SARAF: variants seen among roughly 807,000 people sequenced by gnomAD.
The protein encoded by SARAF is store-operated calcium entry associated regulatory factor, also known as store-operated calcium entry-associated regulatory factor.
Under a neutral mutation model 39.7 loss-of-function variants are expected in SARAF, and 23 were observed. That is an observed-to-expected ratio of 0.58 (90% CI 0.42 to 0.82). The LOEUF is 0.82. Among genes scored for constraint, SARAF ranks in the 40% least tolerant of loss-of-function variants. The pLI, the probability that SARAF is intolerant of heterozygous loss-of-function variation, is 0.00. For missense variants in SARAF, 384 were observed against 418.5 expected, an observed-to-expected ratio of 0.92 and a Z score of 0.72; for synonymous variants, 175 against 168.5, an observed-to-expected ratio of 1.04 and a Z score of -0.30.
rs1329320952 is a variant in SARAF at position 30,063,781 on chromosome 8, G to T, written c.*107C>A. On this transcript the variant is annotated 3_prime_UTR_variant, in exon 6 of 6. Transcript: ENST00000256255. ...CTGGACATAACACCACAGAACTTTT[G>T]AATATCCCCTTTTCCCAATTGTTAA... 4 of 976,238 alleles carry T rather than the reference G, an allele frequency of 4.1e-6. No individual in the cohort carries two copies. Among genetic ancestry groups the T allele is most frequent in the Non-Finnish European group, 4.9e-6 (3 of 607,426 alleles). 60.5% of individuals were successfully genotyped at this position (976,238 alleles called of 1,614,324 possible).
At chr8:30,066,448 T>C (rs2117420989) in intron 4 of SARAF, among the ~76,000 whole-genome samples, 1 of 152,300 alleles carries the variant, frequency 6.6e-6, no homozygotes, top group East Asian at 1.9e-4. Flanking sequence ...TCCAGCCTTA[T>C]TTTTATCATT....
intron 3 of SARAF, among the ~76,000 whole-genome samples, chr8:30,067,996 A>G (rs943597823): frequency 2.0e-5 from 3 of 152,082 alleles, no homozygotes; most frequent in African/African-American, 7.2e-5. Flanking sequence ...TGTCTTTTTA[A>G]TGTTAGCCAT....
chr8:30,066,630 T>C lies in SARAF; in HGVS notation c.842+147A>G. Reference sequence around the variant, plus strand: ...ACAATACTGATCAAAACAAATATAGTGTACCTTCCCCCTTCCCAGAGAATC... The same window carrying C: ...ACAATACTGATCAAAACAAATATAGCGTACCTTCCCCCTTCCCAGAGAATC... On this transcript the variant is annotated intron_variant, in intron 4 of 5. Coordinates refer to ENST00000256255, the MANE Select transcript of SARAF (RefSeq NM_016127.6). The C allele has an allele frequency of 7.4e-6, 7 of 944,068 alleles. No homozygotes were observed. In the South Asian group the frequency reaches 1.2e-4, roughly 16 times the overall value. The allele number at this position is 944,068 out of a possible 1,614,324, so 58.5% of individuals were successfully genotyped here. A position where few individuals can be genotyped will look rare whatever the true frequency, so the allele number is the denominator to read the frequency against.
Position 30,069,838 on chromosome 8 carries a change from C to T in SARAF, c.504G>A (p.Ala168=), listed in dbSNP as rs199754185. The change falls in exon 3 of 6, where the codon GCG becomes GCA. Residue 168 remains alanine, a synonymous_variant. Transcript: ENST00000256255. ...TCAATCCACTCATGTTACAGGAATC[C>T]GCCGAGGACCACTTATAATAATAAT... The part of the protein sequence containing the change: ...FSDYYYKWSS[A]DSCNMSGLIT... 3.3e-5 allele frequency: 53 copies of T among 1,614,096 alleles called. No homozygotes were observed. The highest frequency in any genetic ancestry group is 1.6e-4 in the Middle Eastern group (1 of 6,062).
intron 2 of SARAF, among the ~76,000 whole-genome samples, chr8:30,072,618 T>C (rs983421135): frequency 1.3e-5 from 2 of 152,224 alleles, no homozygotes; most frequent in African/African-American, 4.8e-5. Flanking sequence ...AAGTACTGTA[T>C]TTAAATTTCA....
chr8:30,075,993 A>G (rs1432940417), intron 1 of SARAF, among the ~76,000 whole-genome samples: 2 of 146,706 alleles, frequency 1.4e-5, no homozygotes, highest in Non-Finnish European at 3.0e-5. Flanking sequence ...AAAAAAAACA[A>G]AAAAAAAAAA....
chr8:30,064,561 A>ATATATATATATTTTTTT (rs1423689069), intron 5 of SARAF, among the ~76,000 whole-genome samples: 2 of 46,228 alleles, frequency 4.3e-5, no homozygotes, highest in African/African-American at 1.1e-4. Context: ...ATATATATAT[A>ATATATATATATTTTTTT]TTTTTTTTTT....
At chr8:30,082,658 C>T (rs1802133482) in intron 1 of SARAF, 189 bp downstream of exon 1, 1 of 506,246 alleles carries the variant, frequency 2.0e-6, no homozygotes, top group African/African-American at 2.0e-5. Flanking sequence ...GCAGTCCCTA[C>T]CCGCCTCCCA....
chr8:30,064,594 C>CTTAA (rs1348937753), intron 5 of SARAF, among the ~76,000 whole-genome samples: 1 of 64,572 alleles, frequency 1.5e-5, no homozygotes, highest in Admixed American at 2.4e-4. Context: ...CAGAGTTTTG[C>CTTAA]TCTTGTTGCC....
chr8:30,072,786 A>T (rs1043234633), intron 2 of SARAF, among the ~76,000 whole-genome samples: 1 of 152,186 alleles, frequency 6.6e-6, no homozygotes, highest in African/African-American at 2.4e-5. Flanking sequence ...TTCCTAACAC[A>T]GCACAAATGT....
At position 30,069,705 on chromosome 8, in the gene SARAF, G is replaced by A. The variant is rs373318736; in HGVS notation, c.637C>T (p.Arg213Cys). ...GCTGAGTTGGTGAATCTCTGGTAAC[G>A]GTGGGAAAATGGAGGATACTCAGAG... is the stretch of plus-strand genomic sequence containing the variant. ...PYSEYPPFSH[R>C]YQRFTNSAGP... The change falls in exon 3 of 6, where the codon CGT becomes TGT. Residue 213 changes from arginine (R) to cysteine (C), a missense_variant. Arg to Cys is a radical substitution (Grantham distance 180). Coordinates refer to ENST00000256255, the MANE Select transcript of SARAF (RefSeq NM_016127.6). 2.0e-5 allele frequency: 33 copies of A among 1,614,092 alleles called. No individual in the cohort carries two copies. Among genetic ancestry groups the A allele is most frequent in the Admixed American group, 5.0e-5 (3 of 60,014 alleles).
chr8:30,078,655 T>C (rs997140474), intron 1 of SARAF, among the ~76,000 whole-genome samples: 3 of 152,200 alleles, frequency 2.0e-5, no homozygotes, highest in Admixed American at 6.5e-5. Flanking sequence ...TTCCCACAAG[T>C]ATTTAATATG....
intron 5 of SARAF, among the ~76,000 whole-genome samples, chr8:30,065,465 G>GCTA (rs1238013925): frequency 6.6e-6 from 1 of 152,088 alleles, no homozygotes; most frequent in African/African-American, 2.4e-5. Context: ...GAAAGACAAA[G>GCTA]CTACTCCAGA....
chr8:30,072,612 A>G (rs1347277710), intron 2 of SARAF, among the ~76,000 whole-genome samples: 2 of 152,212 alleles, frequency 1.3e-5, no homozygotes, highest in Non-Finnish European at 2.9e-5. Context: ...GCTTCTAAGT[A>G]CTGTATTTAA....
intron 1 of SARAF, among the ~76,000 whole-genome samples, chr8:30,080,047 G>C (rs578097622): frequency 6.6e-6 from 1 of 152,106 alleles, no homozygotes; most frequent in African/African-American, 2.4e-5. Flanking sequence ...TTAACTCCAT[G>C]CTTCTAGTTG....
At chr8:30,076,514 C>T (rs979065519) in intron 1 of SARAF, among the ~76,000 whole-genome samples, 1 of 152,152 alleles carries the variant, frequency 6.6e-6, no homozygotes, top group Admixed American at 6.5e-5. Context: ...TTTTTGGTTC[C>T]CCAGAATTAA....
In SARAF at chr8:30,066,914, T is replaced by G; in HGVS notation, c.705A>C (p.Pro235=). The change falls in exon 4 of 6, where the codon CCA becomes CCC. Residue 235 remains proline, a synonymous_variant. Transcript: ENST00000256255. ...PPGFKSEFTG[P]QNTGHGATSG... is the part of the protein sequence containing the mutation. ...AAGTTGCACCATGGCCAGTATTCTG[T>G]GGTCCTTAAAATAAAAATGATTTAT... The G allele has an allele frequency of 6.2e-7, 1 of 1,613,848 alleles. No homozygotes were observed. Among genetic ancestry groups the G allele is most frequent in the Non-Finnish European group, 8.5e-7 (1 of 1,179,938 alleles).
chr8:30,069,537 ACCT>A (rs2117426725), intron 3 of SARAF, 102 bp downstream of exon 3: 1 of 1,169,866 alleles, frequency 8.5e-7, no homozygotes, highest in Admixed American at 2.3e-5. Flanking sequence ...GAGAAGACAA[ACCT>A]CCTTTGGTTT....
chr8:30,065,067 C>A (rs1030006598), intron 5 of SARAF, among the ~76,000 whole-genome samples: 5 of 152,144 alleles, frequency 3.3e-5, no homozygotes, highest in African/African-American at 9.7e-5. Context: ...TTATTGCACA[C>A]AACTACTTAT....
Sources: allele counts gnomAD v4.1 joint callset (sites outside exome capture counted in the v4.1 genomes callset), GRCh38; gene constraint gnomAD v4.1.1; transcripts MANE v1.5; gene names NCBI Gene and HGNC (gene_info 2026-07-23, HGNC 2026-07-21).